RIC1: variants seen among roughly 807,000 people sequenced by gnomAD.
RIC1 encodes the protein guanine nucleotide exchange factor subunit RIC1.
RIC1 carries 88 observed loss-of-function variants against 169.0 expected under a neutral mutation model. The ratio of observed to expected loss-of-function variants is 0.52; its 90% CI spans 0.44 to 0.62. The LOEUF (loss-of-function observed/expected upper bound fraction) is 0.62. Among genes scored for constraint, RIC1 ranks in the 20% least tolerant of loss-of-function variants. The pLI, the probability that RIC1 is intolerant of heterozygous loss-of-function variation, is 0.00. For synonymous variants in RIC1, 790 were observed against 601.5 expected (o/e 1.31, Z -4.59); for missense variants, 1,877 against 1,725.5 (o/e 1.09, Z -1.56).
intron 2 of RIC1, among the ~76,000 whole-genome samples, chr9:5,679,594 T>C (rs1352819412): frequency 2.6e-5 from 4 of 152,150 alleles, no homozygotes; most frequent in Non-Finnish European, 5.9e-5. Context: ...TTTATTCTCT[T>C]TGAAGCAATT....
At chr9:5,712,648 G>GTA (rs1586997662) in intron 3 of RIC1, among the ~76,000 whole-genome samples, 2 of 152,228 alleles carry the variant, frequency 1.3e-5, no homozygotes, top group South Asian at 2.1e-4. Context: ...TTTAACTTCT[G>GTA]TATATATATT....
chr9:5,699,521 T>G (rs1180433150), intron 3 of RIC1, among the ~76,000 whole-genome samples: 1 of 152,076 alleles, frequency 6.6e-6, no homozygotes, highest in Non-Finnish European at 1.5e-5. Context: ...AAAAACTGTT[T>G]GTATATTGCA....
chr9:5,717,213 A>T (rs1823299856), intron 4 of RIC1, among the ~76,000 whole-genome samples: 1 of 152,104 alleles, frequency 6.6e-6, no homozygotes, highest in South Asian at 2.1e-4. Flanking sequence ...ACTGATTATC[A>T]TGTTATAGAG....
chr9:5,776,446 T>C lies in RIC1; in HGVS notation c.*2200T>C, dbSNP rs965456434. ...AATTATTTGCTGAAACCAAAACAAG[T>C]CATTGGGGGTGTGGGAATAAAATCA... On this transcript the variant is annotated 3_prime_UTR_variant, in exon 26 of 26. Coordinates refer to ENST00000414202, the MANE Select transcript of RIC1 (RefSeq NM_020829.4). The C allele has an allele frequency of 6.6e-6, 1 of 151,986 alleles. No homozygotes were observed. The allele number at this position is 151,986 out of a possible 1,614,324, so 9.4% of individuals were successfully genotyped here. A position where few individuals can be genotyped will look rare whatever the true frequency, so the allele number is the denominator to read the frequency against.
chr9:5,733,921 G>A (rs1292780663), intron 7 of RIC1, among the ~76,000 whole-genome samples: 3 of 150,972 alleles, frequency 2.0e-5, no homozygotes, highest in African/African-American at 4.9e-5. Context: ...ATCTTTGAAT[G>A]TTTGGTAGAA....
Position 5,718,428 on chromosome 9 carries a change from G to T in RIC1, c.441-1754G>T, listed in dbSNP as rs970001789. 3.3e-5 allele frequency among the ~76,000 whole-genome samples: 5 copies of T among 152,080 alleles called. No homozygotes were observed. The East Asian group carries it at 9.6e-4, about 29-fold the overall frequency. The stretch of plus-strand genomic sequence containing the variant: ...AAGATCAACAGTGAAGAGGGAAGGG[G>T]TCTTCCCTGGAGCCCTTTAGTCATT... On this transcript the variant is annotated intron_variant, in intron 4 of 25. Coordinates refer to ENST00000414202, the MANE Select transcript of RIC1 (RefSeq NM_020829.4).
rs574856001 is a variant in RIC1 at position 5,733,652 on chromosome 9, A to C, written c.812+1173A>C. Among the ~76,000 whole-genome samples, 6 of 152,216 alleles carry C rather than the reference A, an allele frequency of 3.9e-5. No individual in the cohort carries two copies. In the South Asian group the frequency reaches 1.2e-3, roughly 32 times the overall value. ...TGTAAAGTAGGGAATCCTCATCCTC[A>C]ACTTTTTCTCAATACATTGATCCTC... On this transcript the variant is annotated intron_variant, in intron 7 of 25. Transcript: ENST00000414202.
intron 17 of RIC1, among the ~76,000 whole-genome samples, chr9:5,761,770 G>A (rs149273943): frequency 6.6e-6 from 1 of 152,164 alleles, no homozygotes; most frequent in Non-Finnish European, 1.5e-5. Flanking sequence ...TTTAAAACAG[G>A]GCTGCTCAAA....
intron 6 of RIC1, among the ~76,000 whole-genome samples, chr9:5,725,056 A>G (rs1823873826): frequency 6.6e-6 from 1 of 152,122 alleles, no homozygotes; most frequent in Non-Finnish European, 1.5e-5. Context: ...TGATATCAGG[A>G]TGATGCAGGC....
At position 5,763,705 on chromosome 9, in the gene RIC1, A is replaced by G; in HGVS notation, c.2678A>G (p.Glu893Gly). 1.9e-6 allele frequency: 3 copies of G among 1,614,170 alleles called. No individual in the cohort carries two copies. The highest frequency in any genetic ancestry group is 2.5e-6 in the Non-Finnish European group (3 of 1,180,022). Reference sequence around the variant, plus strand: ...CCCACTGTGGCAAAATTTATCACTGAGTTCCCCCTCTTCCTGCAGACAGTT... The same window carrying G: ...CCCACTGTGGCAAAATTTATCACTGGGTTCCCCCTCTTCCTGCAGACAGTT... Reference protein sequence around the residue: ...LLPTVAKFITEFPLFLQTVVH... With the variant: ...LLPTVAKFITGFPLFLQTVVH... Residue 893 changes from glutamate to glycine, a missense_variant, in exon 19 of 26, where the codon GAG becomes GGG. By Grantham distance (98) the Glu-to-Gly change is moderately conservative (BLOSUM62 -2). This residue lies in a region of RIC1 where 92 missense variants were observed against 151.5 expected (regional missense o/e 0.61). Transcript: ENST00000414202. The surrounding 1 kb of genome is among the most constrained non-coding windows in gnomAD (Gnocchi z 5.2).
At chr9:5,705,741 A>G (rs539985456) in intron 3 of RIC1, among the ~76,000 whole-genome samples, 1 of 152,228 alleles carries the variant, frequency 6.6e-6, no homozygotes, top group African/African-American at 2.4e-5. Flanking sequence ...GTCAGTAAAC[A>G]GTCATTTACT....
chr9:5,667,025 T>C (rs1819812507), intron 2 of RIC1, among the ~76,000 whole-genome samples: 1 of 152,220 alleles, frequency 6.6e-6, no homozygotes, highest in South Asian at 2.1e-4. Context: ...TTGTTGATTT[T>C]TCAAAGAGTC....
chr9:5,658,767 C>T (rs1232364666), intron 2 of RIC1, among the ~76,000 whole-genome samples: 2 of 151,390 alleles, frequency 1.3e-5, no homozygotes, highest in South Asian at 2.1e-4. Context: ...CTTGAATTGC[C>T]CTCCTCCACA....
intron 1 of RIC1, among the ~76,000 whole-genome samples, chr9:5,631,708 C>T (rs1322929941): frequency 2.8e-5 from 4 of 144,638 alleles, no homozygotes; most frequent in South Asian, 2.2e-4. Context: ...AAAAAAAAAT[C>T]AAATATTGAA....
chr9:5,713,072 C>G (rs1404257611), intron 3 of RIC1: 1 of 152,168 alleles, frequency 6.6e-6, no homozygotes, highest in Admixed American at 6.5e-5. Context: ...TTGTTTGCCT[C>G]TTTGTGCATA....
chr9:5,704,956 A>G (rs1052327340), intron 3 of RIC1, among the ~76,000 whole-genome samples: 2 of 152,202 alleles, frequency 1.3e-5, no homozygotes, highest in South Asian at 2.1e-4. Context: ...ACCTTTGCCA[A>G]TAATCAATTG....
chr9:5,652,454 T>A (rs922972026), intron 1 of RIC1, among the ~76,000 whole-genome samples: 1 of 152,224 alleles, frequency 6.6e-6, no homozygotes, highest in Admixed American at 6.5e-5. Flanking sequence ...TTTGGGTTTT[T>A]TTATAGCTAT....
At chr9:5,717,136 C>T (rs1410520068) in intron 4 of RIC1, among the ~76,000 whole-genome samples, 1 of 152,162 alleles carries the variant, frequency 6.6e-6, no homozygotes, top group African/African-American at 2.4e-5. Flanking sequence ...GGATTTTTCT[C>T]TTGACTCTAG....
chr9:5,770,913 T>C (rs908691361), intron 23 of RIC1, among the ~76,000 whole-genome samples: 2 of 152,188 alleles, frequency 1.3e-5, no homozygotes, highest in Non-Finnish European at 2.9e-5. Context: ...CATAGGGTTA[T>C]ATAGTATAGG....
Sources: gnomAD v4.1 joint callset for allele counts (sites outside exome capture counted in the v4.1 genomes callset) on GRCh38, gnomAD v4.1.1 for gene constraint, gnomAD v4.1.1 regional missense constraint, Gnocchi (gnomAD v3.1) non-coding constraint, MANE v1.5 for transcripts, NCBI Gene and HGNC (gene_info 2026-07-23, HGNC 2026-07-21) for gene names.